Variants in FBXW11 observed in about 807,000 individuals in gnomAD.
The protein encoded by FBXW11 is F-box/WD repeat-containing protein 11.
A neutral mutation model predicts 77.6 loss-of-function variants in FBXW11; 19 were observed. The observed-to-expected ratio is 0.24, with a 90% CI of 0.17 to 0.36. The LOEUF is 0.36. FBXW11 is among the 10% of genes least tolerant of loss of function. FBXW11 has a pLI of 1.00. For synonymous variants in FBXW11, 235 were observed against 249.4 expected (o/e 0.94, Z 0.54); for missense variants, 334 against 704.2 (o/e 0.47, Z 5.95).
chr5:171,905,602 T>TCCCCC (rs766171553), intron 4 of FBXW11, among the ~76,000 whole-genome samples: 4 of 43,824 alleles, frequency 9.1e-5, no homozygotes, highest in African/African-American at 2.2e-4. Context: ...CCCCCCCCTT[T>TCCCCC]ATTTTCTTGG....
At chr5:171,885,392 T>A (rs769237672) in intron 7 of FBXW11, among the ~76,000 whole-genome samples, 6 of 152,164 alleles carry the variant, frequency 3.9e-5, no homozygotes, top group Non-Finnish European at 7.3e-5. Context: ...CCAGCAATTT[T>A]TCAATTACGG....
At chr5:171,926,486 T>C (rs1410736513) in intron 2 of FBXW11, among the ~76,000 whole-genome samples, 1 of 152,198 alleles carries the variant, frequency 6.6e-6, no homozygotes, top group Non-Finnish European at 1.5e-5. Flanking sequence ...CGGTTTCTCA[T>C]GGTTTAACAC....
intron 1 of FBXW11, among the ~76,000 whole-genome samples, chr5:172,000,433 T>C (rs1420516636): frequency 2.0e-5 from 3 of 152,214 alleles, no homozygotes; most frequent in South Asian, 2.1e-4. Flanking sequence ...TTGGTAGTCA[T>C]TGAAATAGTA....
rs767813940 is a variant in FBXW11 at position 171,957,627 on chromosome 5, C to G, written c.117G>C (p.Leu39=). Residue 39 remains leucine, a synonymous_variant, in exon 2 of 14, where the codon CTG becomes CTC. Transcript: ENST00000517395. ...LVESMCALSC[L]QSMPSVRCLQ... is the part of the protein sequence containing the mutation. Reference sequence around the variant, plus strand: ...GACATCTGACACTGGGCATGCTCTGCAGGCAACTCAGTGCGCACATGCTCT... The same window carrying G: ...GACATCTGACACTGGGCATGCTCTGGAGGCAACTCAGTGCGCACATGCTCT... 1 of 1,614,192 alleles carries G rather than the reference C, an allele frequency of 6.2e-7. No individual in the cohort carries two copies. Among genetic ancestry groups the G allele is most frequent in the South Asian group, 1.1e-5 (1 of 91,092 alleles).
intron 2 of FBXW11, among the ~76,000 whole-genome samples, chr5:171,953,272 A>AG (rs1383659080): frequency 6.6e-6 from 1 of 152,200 alleles, no homozygotes; most frequent in Non-Finnish European, 1.5e-5. Flanking sequence ...CTGGAATTAT[A>AG]GGGGTAAGCG....
At chr5:171,909,992 A>G (rs1760778597) in intron 4 of FBXW11, among the ~76,000 whole-genome samples, 1 of 152,168 alleles carries the variant, frequency 6.6e-6, no homozygotes, top group African/African-American at 2.4e-5. Flanking sequence ...AACTACATCA[A>G]AATAAAAAGC....
intron 13 of FBXW11, chr5:171,867,952 C>G (rs1757516837): frequency 6.6e-6 from 1 of 152,078 alleles, no homozygotes; most frequent in Admixed American, 6.6e-5. Context: ...TCCTAGGACA[C>G]AGCCAAGTAA....
chr5:171,991,491 T>C (rs2113557838), intron 1 of FBXW11, among the ~76,000 whole-genome samples: 1 of 152,318 alleles, frequency 6.6e-6, no homozygotes, highest in African/African-American at 2.4e-5. Flanking sequence ...GTTGTGATGT[T>C]AAAAGTGTGT....
rs781182259 is a variant in FBXW11, at chr5:171,862,314, A to G, written c.*1813T>C. ...CATAAATTAATTTAGTAACATGGGA[A>G]GGAAGGATTTTATTTTTAAAAGAAA... On this transcript the variant is annotated 3_prime_UTR_variant, in exon 14 of 14. Coordinates refer to ENST00000517395, the MANE Select transcript of FBXW11 (RefSeq NM_001378974.1). 2 of 152,658 alleles carry G rather than the reference A, an allele frequency of 1.3e-5. No individual in the cohort carries two copies. 9.5% of individuals were successfully genotyped at this position (152,658 alleles called of 1,614,324 possible).
chr5:171,994,729 A>G (rs1206479326), intron 1 of FBXW11, among the ~76,000 whole-genome samples: 1 of 152,136 alleles, frequency 6.6e-6, no homozygotes, highest in Non-Finnish European at 1.5e-5. Context: ...CACCACCACC[A>G]GACTGTCCTG....
At chr5:171,949,828 T>C (rs1478044723) in intron 2 of FBXW11, among the ~76,000 whole-genome samples, 1 of 152,172 alleles carries the variant, frequency 6.6e-6, no homozygotes, top group South Asian at 2.1e-4. Flanking sequence ...AGTACAAAAT[T>C]AAAATATTCA....
At chr5:171,946,211 C>T (rs10475994) in intron 2 of FBXW11, among the ~76,000 whole-genome samples, 120,608 of 152,148 alleles carry the variant, frequency 0.79, 51,393 homozygotes, top group East Asian at 0.97. Flanking sequence ...TCAATCTTGC[C>T]AGCCCCCATG....
intron 6 of FBXW11, among the ~76,000 whole-genome samples, chr5:171,893,806 A>G (rs1312754134): frequency 6.6e-6 from 1 of 152,154 alleles, no homozygotes; most frequent in Admixed American, 6.6e-5. Context: ...ATATGTCTTT[A>G]CATATATGTC....
chr5:171,954,458 T>C (rs1763514500), intron 2 of FBXW11, among the ~76,000 whole-genome samples: 1 of 152,232 alleles, frequency 6.6e-6, no homozygotes, highest in South Asian at 2.1e-4. Flanking sequence ...AAATAAATGA[T>C]ACATACTATT....
chr5:171,932,590 G>C (rs1324074886), intron 2 of FBXW11, among the ~76,000 whole-genome samples: 2 of 152,058 alleles, frequency 1.3e-5, no homozygotes, highest in African/African-American at 4.8e-5. Flanking sequence ...ACACATTTTT[G>C]TAACTATATT....
chr5:171,871,058 C>G (rs1757725207), intron 10 of FBXW11, among the ~76,000 whole-genome samples, 200 bp from the exon 11 acceptor site: 1 of 152,180 alleles, frequency 6.6e-6, no homozygotes, highest in Non-Finnish European at 1.5e-5. Flanking sequence ...AAGCACTAAC[C>G]TAGGAAGAAG....
intron 4 of FBXW11, among the ~76,000 whole-genome samples, chr5:171,903,506 G>A (rs1760274578): frequency 6.6e-6 from 1 of 152,132 alleles, no homozygotes. Context: ...TTATTCATCA[G>A]AATTTCAAAC....
At position 171,932,578 on chromosome 5, in the gene FBXW11, C is replaced by T. The variant is rs978672177; in HGVS notation, c.148-18173G>A. Among the ~76,000 whole-genome samples the T allele has an allele frequency of 2.0e-5, 3 of 152,008 alleles. No homozygotes were observed. The East Asian group carries it at 5.8e-4, about 29-fold the overall frequency. On this transcript the variant is annotated intron_variant, in intron 2 of 13. Transcript: ENST00000517395. Reference sequence around the variant, plus strand: ...ATTTAGGGTTCCCATCACCAAAGTACAACACATTTTTGTAACTATATTCAC... The same window carrying T: ...ATTTAGGGTTCCCATCACCAAAGTATAACACATTTTTGTAACTATATTCAC...
At chr5:171,935,234 G>C (rs1762413543) in intron 2 of FBXW11, among the ~76,000 whole-genome samples, 1 of 152,210 alleles carries the variant, frequency 6.6e-6, no homozygotes, top group Admixed American at 6.5e-5. Flanking sequence ...TGGGATTACA[G>C]GCGTGAGCCA....
Sources: allele counts gnomAD v4.1 joint callset (sites outside exome capture counted in the v4.1 genomes callset), GRCh38; gene constraint gnomAD v4.1.1; transcripts MANE v1.5; gene names NCBI Gene and HGNC (gene_info 2026-07-23, HGNC 2026-07-21).